The following CERS3 variants were observed in gnomAD, a reference collection of about 807,000 sequenced individuals.
CERS3 encodes the protein ceramide synthase 3.
CERS3 carries 33 observed loss-of-function variants against 50.3 expected under a neutral mutation model. The ratio of observed to expected loss-of-function variants is 0.66; its 90% CI spans 0.50 to 0.88. CERS3 has a LOEUF of 0.88. Among genes scored for constraint, CERS3 ranks in the 40% least tolerant of loss-of-function variants. The pLI is 0.00. For synonymous variants in CERS3, 176 were observed against 155.2 expected, an observed-to-expected ratio of 1.13 and a Z score of -0.99; for missense variants, 470 against 460.3, an observed-to-expected ratio of 1.02 and a Z score of -0.19.
chr15:100,418,072 C>G (rs2142079299), intron 11 of CERS3, among the ~76,000 whole-genome samples: 1 of 152,132 alleles, frequency 6.6e-6, no homozygotes, highest in South Asian at 2.1e-4. Context: ...CGGAACAAAG[C>G]TGGATGGAGA....
At chr15:100,452,942 T>C (rs2034226542) in intron 11 of CERS3, among the ~76,000 whole-genome samples, 2 of 152,024 alleles carry the variant, frequency 1.3e-5, no homozygotes, top group Non-Finnish European at 2.9e-5. Flanking sequence ...CCAAGGCTGA[T>C]TGAGGAAGAA....
At chr15:100,535,144 T>C (rs2037038998) in intron 1 of CERS3, among the ~76,000 whole-genome samples, 1 of 152,234 alleles carries the variant, frequency 6.6e-6, no homozygotes, top group Admixed American at 6.5e-5. Flanking sequence ...ATAGACTTTC[T>C]AAATTAACTG....
At chr15:100,452,067 T>C (rs1014515075) in intron 11 of CERS3, among the ~76,000 whole-genome samples, 2 of 152,188 alleles carry the variant, frequency 1.3e-5, no homozygotes, top group East Asian at 1.9e-4. Context: ...AGATGGATCA[T>C]CTGGACGGAA....
chr15:100,487,353 CT>C lies in CERS3; in HGVS notation c.289-2686del, dbSNP rs201642796. ...TATGTGCCAAGCACTATTCTAAGCA[CT>C]TTATATGTATTAACTCAATTTGATC... On this transcript the variant is annotated intron_variant, in intron 4 of 11. Transcript: ENST00000679737. Among the ~76,000 whole-genome samples the C allele has an allele frequency of 7.2e-3, 1,091 of 152,252 alleles. 9 individuals carry two copies. Among genetic ancestry groups the C allele is most frequent in the African/African-American group, 0.025 (1,042 of 41,556 alleles).
intron 11 of CERS3, among the ~76,000 whole-genome samples, chr15:100,408,017 G>A (rs1298746023): frequency 2.0e-5 from 3 of 152,026 alleles, no homozygotes; most frequent in Non-Finnish European, 4.4e-5. Context: ...GATTACAGGC[G>A]GCCACCACTG....
At chr15:100,472,857 T>A (rs766572944) in intron 9 of CERS3, 67 bp downstream of exon 9, 1 of 1,584,716 alleles carries the variant, frequency 6.3e-7, no homozygotes, top group East Asian at 2.2e-5. Flanking sequence ...TCACAATTAC[T>A]TCTGTGAGCA....
chr15:100,473,604 T>C (rs1316236095), intron 8 of CERS3, among the ~76,000 whole-genome samples: 2 of 152,198 alleles, frequency 1.3e-5, no homozygotes, highest in East Asian at 1.9e-4. Flanking sequence ...TGAGATATAC[T>C]TCACACCCAC....
intron 10 of CERS3, among the ~76,000 whole-genome samples, chr15:100,461,279 A>G (rs991978827): frequency 4.6e-5 from 7 of 152,162 alleles, no homozygotes; most frequent in Admixed American, 4.6e-4. Flanking sequence ...CTTTGACTAG[A>G]GGCTCCCAGG....
chr15:100,501,112 C>T (rs1176319786), intron 3 of CERS3, among the ~76,000 whole-genome samples: 1 of 152,120 alleles, frequency 6.6e-6, no homozygotes, highest in African/African-American at 2.4e-5. Context: ...AATAAGTTTA[C>T]TTTTTCTGAG....
chr15:100,539,168 G>GA (rs2037142588), intron 1 of CERS3, among the ~76,000 whole-genome samples: 1 of 152,112 alleles, frequency 6.6e-6, no homozygotes. Context: ...GGACTTTATT[G>GA]TCCACATCAC....
In CERS3 at chr15:100,501,776, A is replaced by C. The variant is rs1208851852; in HGVS notation, c.74T>G (p.Leu25Arg). 2 of 1,614,018 alleles carry C rather than the reference A, an allele frequency of 1.2e-6. No homozygotes were observed. Among genetic ancestry groups the C allele is most frequent in the Admixed American group, 1.7e-5 (1 of 60,006 alleles). ...WLPPTIKWSD[L>R]EDHDGLVFVK... ...AAAGACGAGTCCATCGTGATCCTCA[A>C]GATCTGACCACTTTATTGTTGGAGG... The change falls in exon 3 of 12, where the codon CTT (leucine) becomes CGT (arginine). Residue 25 changes from leucine (L) to arginine (R), a missense_variant. Coordinates refer to ENST00000679737, the MANE Select transcript of CERS3 (RefSeq NM_001378789.1).
At chr15:100,543,554 AG>A (rs2037255723) in intron 1 of CERS3, among the ~76,000 whole-genome samples, 4 of 114,786 alleles carry the variant, frequency 3.5e-5, no homozygotes, top group African/African-American at 1.3e-4. Context: ...TTTTATTAGA[AG>A]TTTTGCTCTT....
At chr15:100,527,783 A>C (rs2036837450) in intron 1 of CERS3, among the ~76,000 whole-genome samples, 2 of 152,250 alleles carry the variant, frequency 1.3e-5, no homozygotes, top group African/African-American at 2.4e-5. Context: ...AACTTATGTA[A>C]ATCAATTTGA....
At chr15:100,417,948 G>C (rs372336520) in intron 11 of CERS3, among the ~76,000 whole-genome samples, 4,248 of 152,072 alleles carry the variant, frequency 0.028, 87 homozygotes, top group South Asian at 0.048. Flanking sequence ...CATCATCAAA[G>C]ACCAAAAGTA....
intron 11 of CERS3, among the ~76,000 whole-genome samples, chr15:100,403,435 G>GA (rs1375461857): frequency 6.6e-6 from 1 of 151,534 alleles, no homozygotes; most frequent in East Asian, 1.9e-4. Context: ...ACTGAAAACA[G>GA]AAAAAACAAT....
chr15:100,406,275 A>G (rs2031017549), intron 11 of CERS3, among the ~76,000 whole-genome samples: 1 of 152,242 alleles, frequency 6.6e-6, no homozygotes, highest in Non-Finnish European at 1.5e-5. Flanking sequence ...TAGAAAAGAA[A>G]AAAAGATATG....
chr15:100,442,836 A>G (rs2033741963), intron 11 of CERS3, among the ~76,000 whole-genome samples: 1 of 152,162 alleles, frequency 6.6e-6, no homozygotes, highest in Non-Finnish European at 1.5e-5. Flanking sequence ...CTCACAGTGG[A>G]AGGTAAGCCC....
At chr15:100,445,994 G>A (rs140969052) in intron 11 of CERS3, among the ~76,000 whole-genome samples, 26,535 of 151,828 alleles carry the variant, frequency 0.17, 2,592 homozygotes, top group Admixed American at 0.26. Context: ...AAGCTCCCCT[G>A]CTGAGCACCT....
chr15:100,445,906 G>A (rs940395048), intron 11 of CERS3, among the ~76,000 whole-genome samples: 1 of 152,296 alleles, frequency 6.6e-6, no homozygotes. Flanking sequence ...CACCACAAAA[G>A]AAGTGAAAAT....
Sources: gnomAD v4.1 joint callset for allele counts (sites outside exome capture counted in the v4.1 genomes callset) on GRCh38, gnomAD v4.1.1 for gene constraint, MANE v1.5 for transcripts, NCBI Gene and HGNC (gene_info 2026-07-23, HGNC 2026-07-21) for gene names.